The following COL6A5 variants were observed in gnomAD, a reference collection of about 807,000 sequenced individuals.
The protein encoded by COL6A5 is collagen type VI alpha 5 chain.
In COL6A5, 48 loss-of-function variants were observed where a neutral mutation model predicts 65.6. The observed-to-expected ratio is 0.73, with a 90% CI of 0.58 to 0.93. The LOEUF (loss-of-function observed/expected upper bound fraction) is 0.93, where lower values mean the gene tolerates loss of function less well. COL6A5 is among the 40% of genes least tolerant of loss of function. The pLI is 0.00. For missense variants in COL6A5, 914 were observed against 928.3 expected (o/e 0.98, Z 0.20); for synonymous variants, 291 against 322.8 (o/e 0.90, Z 1.05).
At chr3:130,471,145 A>T (rs1709943342) in intron 7 of COL6A5, among the ~76,000 whole-genome samples, 178 bp downstream of exon 39, 1 of 151,870 alleles carries the variant, frequency 6.6e-6, no homozygotes, top group Non-Finnish European at 1.5e-5. Context: ...GTCTGAAATT[A>T]ATCGCAGATA....
intron 1 of COL6A5, among the ~76,000 whole-genome samples, chr3:130,371,347 G>A (rs1935548871): frequency 1.3e-5 from 2 of 150,940 alleles, no homozygotes; most frequent in African/African-American, 4.9e-5. Flanking sequence ...ATATAGAAAT[G>A]CACAGGGCTC....
intron 1 of COL6A5, among the ~76,000 whole-genome samples, chr3:130,369,062 C>G (rs998417330): frequency 6.6e-6 from 1 of 152,112 alleles, no homozygotes; most frequent in Admixed American, 6.5e-5. Context: ...TACTGGAGCT[C>G]CATATTCTGG....
At chr3:130,457,090 T>A (rs1245479444) in intron 5 of COL6A5, among the ~76,000 whole-genome samples, 1 of 152,060 alleles carries the variant, frequency 6.6e-6, no homozygotes, top group African/African-American at 2.4e-5. Flanking sequence ...CATGTAGACA[T>A]AGCCTGAAGA....
chr3:130,363,708 G>T (rs1935223569), intron 1 of COL6A5, among the ~76,000 whole-genome samples: 1 of 152,152 alleles, frequency 6.6e-6, no homozygotes. Context: ...GAGTTTGATA[G>T]AGCTCCCTGA....
chr3:130,357,819 A>T (rs1018126344), intron 1 of COL6A5, among the ~76,000 whole-genome samples: 2 of 152,178 alleles, frequency 1.3e-5, no homozygotes, highest in Non-Finnish European at 2.9e-5. Context: ...AAGAAGAAAT[A>T]TTTTAACATA....
At chr3:130,438,074 C>T (rs1272889098) in intron 1 of COL6A5, among the ~76,000 whole-genome samples, 2 of 152,142 alleles carry the variant, frequency 1.3e-5, no homozygotes, top group African/African-American at 4.8e-5. Flanking sequence ...TCTTGGCTCA[C>T]TGTAACCTCG....
At chr3:130,431,201 A>G (rs528927837), upstream of COL6A5, 13 of 678,052 alleles carry the variant, frequency 1.9e-5, no homozygotes, top group African/African-American at 1.8e-4. Context: ...CACCAATTTC[A>G]TTTTACACAG....
At chr3:130,400,117 C>T (rs935704031) in intron 10 of COL6A5, among the ~76,000 whole-genome samples, 26 of 152,280 alleles carry the variant, frequency 1.7e-4, no homozygotes, top group African/African-American at 6.0e-4. Flanking sequence ...CTTCCTCTAT[C>T]TCCTTACCTC....
intron 10 of COL6A5, among the ~76,000 whole-genome samples, chr3:130,399,826 C>T (rs540123721): frequency 3.9e-5 from 6 of 152,020 alleles, no homozygotes; most frequent in Non-Finnish European, 5.9e-5. Context: ...AATCTCAGCT[C>T]GCTGCAACCT....
chr3:130,474,492 CTAATGT>C (rs1203932490), intron 7 of COL6A5, among the ~76,000 whole-genome samples: 3 of 151,924 alleles, frequency 2.0e-5, no homozygotes, highest in Non-Finnish European at 2.9e-5. Flanking sequence ...CAAGGTGACT[CTAATGT>C]TAATGATCAA....
chr3:130,456,175 T>C (rs1407620014), intron 5 of COL6A5, among the ~76,000 whole-genome samples: 2 of 152,170 alleles, frequency 1.3e-5, no homozygotes, highest in African/African-American at 4.8e-5. Context: ...AAGTATGTTT[T>C]ATTTTTGTGG....
rs987810016 is a variant in COL6A5 at position 130,453,231 on chromosome 3, G to T, written c.1333-2224G>T. Among the ~76,000 whole-genome samples the T allele has an allele frequency of 2.0e-5, 3 of 152,150 alleles. No homozygotes were observed. In the East Asian group the frequency reaches 5.8e-4, roughly 29 times the overall value. ...AGTATTGATTGGGGAAGTGATAAGT[G>T]TCCATGAAATCTTCACAATTTATGT... On this transcript the variant is annotated intron_variant, in intron 4 of 7. Transcript: ENST00000512836.
At chr3:130,389,559 G>C (rs533191843) in intron 6 of COL6A5, among the ~76,000 whole-genome samples, 1 of 150,758 alleles carries the variant, frequency 6.6e-6, no homozygotes, top group Admixed American at 6.6e-5. Flanking sequence ...AGTATCCTAA[G>C]CACCACCCAC....
chr3:130,470,172 T>A (rs1281858385), intron 6 of COL6A5, among the ~76,000 whole-genome samples: 2 of 152,084 alleles, frequency 1.3e-5, no homozygotes, highest in Non-Finnish European at 2.9e-5. Context: ...ACAGTGGGGC[T>A]TTAAGGGTGG....
intron 3 of COL6A5, 27 bp from the exon 4 acceptor site, chr3:130,379,391 A>C: frequency 6.5e-7 from 1 of 1,536,854 alleles, no homozygotes; most frequent in Non-Finnish European, 8.8e-7. Context: ...GTTTATACTA[A>C]TCCTCACACA....
chr3:130,348,496 GCCAC>G (rs1221784631), intron 1 of COL6A5, among the ~76,000 whole-genome samples: 6 of 152,246 alleles, frequency 3.9e-5, no homozygotes, highest in African/African-American at 1.4e-4. Flanking sequence ...GTGTATATGT[GCCAC>G]ATTTTCTTTA....
chr3:130,411,551 T>C (rs900869330), intron 20 of COL6A5, among the ~76,000 whole-genome samples: 7 of 152,190 alleles, frequency 4.6e-5, no homozygotes, highest in African/African-American at 1.7e-4. Context: ...TTTCCAGTGC[T>C]TCTGGTAAAA....
intron 4 of COL6A5, among the ~76,000 whole-genome samples, chr3:130,380,990 C>T (rs1332616525): frequency 6.6e-6 from 1 of 152,072 alleles, no homozygotes; most frequent in African/African-American, 2.4e-5. Flanking sequence ...TGGCTCCAGG[C>T]ATCACCCTCA....
chr3:130,426,882 G>C (rs1175609726), upstream of COL6A5, among the ~76,000 whole-genome samples: 1 of 152,062 alleles, frequency 6.6e-6, no homozygotes, highest in Non-Finnish European at 1.5e-5. Flanking sequence ...TCAACATAAA[G>C]AGGTTGTCTT....
Sources: gnomAD v4.1 joint callset for allele counts (sites outside exome capture counted in the v4.1 genomes callset) on GRCh38, gnomAD v4.1.1 for gene constraint, MANE v1.5 for transcripts, NCBI Gene and HGNC (gene_info 2026-07-23, HGNC 2026-07-21) for gene names.